The following CCDC169 variants were observed in gnomAD, a reference collection of about 807,000 sequenced individuals.
CCDC169 encodes the protein coiled-coil domain-containing protein 169.
In CCDC169, 30 loss-of-function variants were observed where a neutral mutation model predicts 36.0. The observed-to-expected ratio is 0.83, with a 90% CI of 0.62 to 1.13. The LOEUF is 1.13. Among genes scored for constraint, CCDC169 ranks in the 50% most tolerant of loss-of-function variants. The pLI is 0.00. For synonymous variants in CCDC169, 85 were observed against 81.5 expected, an observed-to-expected ratio of 1.04 and a Z score of -0.23; for missense variants, 245 against 245.9, an observed-to-expected ratio of 1.00 and a Z score of 0.03.
At chr13:36,273,600 T>A (rs1258570337) in intron 4 of CCDC169, among the ~76,000 whole-genome samples, 1 of 152,236 alleles carries the variant, frequency 6.6e-6, no homozygotes, top group African/African-American at 2.4e-5. Context: ...ATAATATTTC[T>A]ACTATTCTAC....
intron 4 of CCDC169, among the ~76,000 whole-genome samples, chr13:36,260,801 CA>C (rs1282343588): frequency 6.6e-6 from 1 of 152,194 alleles, no homozygotes; most frequent in Non-Finnish European, 1.5e-5. Flanking sequence ...GCATCCCTCA[CA>C]AACTCTAGAA....
At chr13:36,284,815 G>A (rs932146787) in intron 2 of CCDC169, among the ~76,000 whole-genome samples, 1 of 152,176 alleles carries the variant, frequency 6.6e-6, no homozygotes, top group Non-Finnish European at 1.5e-5. Flanking sequence ...TAAGGAGAAA[G>A]AGTATTAGCA....
chr13:36,292,007 G>C (rs911692406), intron 2 of CCDC169, among the ~76,000 whole-genome samples: 11 of 106,028 alleles, frequency 1.0e-4, no homozygotes, highest in South Asian at 3.6e-4. Context: ...TTTTTTTTTT[G>C]GATGGAGTCT....
rs1037697107 is a variant in CCDC169 at position 36,297,673 on chromosome 13, C to T, written c.47G>A (p.Arg16His). The change falls in exon 1 of 8, where the codon CGC becomes CAC. Residue 16 changes from arginine (R) to histidine (H), a missense_variant. By Grantham distance (29) the Arg-to-His change is conservative. Coordinates refer to ENST00000239859, the MANE Select transcript of CCDC169 (RefSeq NM_001144981.3). ...TTCTTCCAGCAACTGCTGTTTCAGG[C>T]GGTTGGTGCTCACACCGTCGAAGTT... is the stretch of plus-strand genomic sequence containing the variant. ...NYNFDGVSTN[R>H]LKQQLLEEVR... 37 of 1,551,142 alleles carry T rather than the reference C, an allele frequency of 2.4e-5. No individual in the cohort carries two copies. In the Middle Eastern group the frequency reaches 5.0e-4, roughly 21 times the overall value.
chr13:36,271,322 T>A (rs922047941), intron 4 of CCDC169, among the ~76,000 whole-genome samples: 3 of 152,162 alleles, frequency 2.0e-5, no homozygotes, highest in African/African-American at 7.2e-5. Flanking sequence ...TGTAAATTAG[T>A]ACAACCTCTA....
At chr13:36,258,310 T>C (rs899171222) in intron 4 of CCDC169, among the ~76,000 whole-genome samples, 1 of 152,136 alleles carries the variant, frequency 6.6e-6, no homozygotes, top group African/African-American at 2.4e-5. Flanking sequence ...GTCAGAGGCA[T>C]TTGAAACAGA....
downstream of CCDC169, chr13:36,226,138 G>A (rs9575604): frequency 0.41 from 61,652 of 152,040 alleles, 13,276 homozygotes; most frequent in Non-Finnish European, 0.48. Flanking sequence ...GCACTTGCAT[G>A]TTCATCGCAG....
At chr13:36,247,099 A>G (rs1872596032) in intron 7 of CCDC169, among the ~76,000 whole-genome samples, 2 of 152,190 alleles carry the variant, frequency 1.3e-5, no homozygotes, top group Admixed American at 6.5e-5. Context: ...ACATGAAACA[A>G]CAAAGCCCAG....
intron 4 of CCDC169, among the ~76,000 whole-genome samples, chr13:36,277,534 A>G (rs1876978227): frequency 6.6e-6 from 1 of 152,192 alleles, no homozygotes; most frequent in Admixed American, 6.5e-5. Flanking sequence ...TCTTTGCTGA[A>G]CATACCTGGA....
At chr13:36,281,841 G>A (rs1877578677) in intron 4 of CCDC169, among the ~76,000 whole-genome samples, 1 of 151,808 alleles carries the variant, frequency 6.6e-6, no homozygotes, top group Non-Finnish European at 1.5e-5. Context: ...CAGCCTGGGT[G>A]ACAGAGTGAG....
chr13:36,227,519 A>T (rs575107429), downstream of CCDC169: 5 of 634,288 alleles, frequency 7.9e-6, no homozygotes, highest in South Asian at 3.8e-4. Context: ...AATAAATAAA[A>T]GCTCTATACC....
At chr13:36,283,374 G>T in intron 4 of CCDC169, 95 bp downstream of exon 4, 1 of 1,151,616 alleles carries the variant, frequency 8.7e-7, no homozygotes, top group Non-Finnish European at 1.2e-6. Context: ...TTTGGACCTT[G>T]CGCTAGTCTT....
At chr13:36,269,541 T>C (rs1039179038) in intron 4 of CCDC169, among the ~76,000 whole-genome samples, 2 of 152,172 alleles carry the variant, frequency 1.3e-5, no homozygotes, top group Admixed American at 6.5e-5. Flanking sequence ...ACTAGCTAAC[T>C]GAATCCAACA....
At chr13:36,223,963 T>C (rs1047295265), downstream of CCDC169, 1 of 152,162 alleles carries the variant, frequency 6.6e-6, no homozygotes, top group African/African-American at 2.4e-5. Flanking sequence ...TAGGTAACTC[T>C]GCTTTGGAAT....
At chr13:36,257,710 G>A (rs2322993) in intron 4 of CCDC169, among the ~76,000 whole-genome samples, 58,772 of 147,682 alleles carry the variant, frequency 0.4, 12,423 homozygotes, top group Non-Finnish European at 0.48. Context: ...TAAAAAAAAA[G>A]AAAAAAAGAA....
At position 36,256,419 on chromosome 13, in the gene CCDC169, G is replaced by A. The variant is rs147394320; in HGVS notation, c.316-2276C>T. Reference sequence around the variant, plus strand: ...CAGGACAGCAGGAGAGAAAATGAGAGCAAGCAGGTGAAATGCCAGACACTT... The same window carrying A: ...CAGGACAGCAGGAGAGAAAATGAGAACAAGCAGGTGAAATGCCAGACACTT... On this transcript the variant is annotated intron_variant, in intron 4 of 7. Coordinates refer to ENST00000239859, the MANE Select transcript of CCDC169 (RefSeq NM_001144981.3). Among the ~76,000 whole-genome samples, 240 of 152,310 alleles carry A rather than the reference G, an allele frequency of 1.6e-3. 1 individual carries two copies. Among genetic ancestry groups the A allele is most frequent in the African/African-American group, 5.6e-3 (233 of 41,570 alleles).
At chr13:36,248,787 T>C in intron 6 of CCDC169, 105 bp from the exon 7 acceptor site, 1 of 971,552 alleles carries the variant, frequency 1.0e-6, no homozygotes, top group Non-Finnish European at 1.5e-6. Flanking sequence ...CAGGTTCTTT[T>C]GCAGCATGTG....
intron 7 of CCDC169, among the ~76,000 whole-genome samples, chr13:36,232,501 A>G (rs570543201): frequency 3.9e-5 from 6 of 152,206 alleles, no homozygotes; most frequent in Middle Eastern, 3.4e-3. Flanking sequence ...TTAAAAGGAA[A>G]AGCTGAGAGG....
intron 4 of CCDC169, among the ~76,000 whole-genome samples, chr13:36,269,024 GA>G (rs1245805174): frequency 4.6e-5 from 7 of 151,956 alleles, no homozygotes; most frequent in African/African-American, 4.8e-5. Context: ...AGAATCACTT[GA>G]ACCATCAGGT....
Sources: allele counts gnomAD v4.1 joint callset (sites outside exome capture counted in the v4.1 genomes callset), GRCh38; gene constraint gnomAD v4.1.1; transcripts MANE v1.5; gene names NCBI Gene and HGNC (gene_info 2026-07-23, HGNC 2026-07-21).